Variants in HDAC9 observed in about 807,000 individuals in gnomAD.
HDAC9 encodes the protein MEF-2 interacting transcription repressor (MITR) protein.
In HDAC9, 41 loss-of-function variants were observed where a neutral mutation model predicts 139.4. That is an observed-to-expected ratio of 0.29 (90% CI 0.23 to 0.38). HDAC9 has a LOEUF of 0.38. Ranked by LOEUF, HDAC9 falls within the 10% of genes least tolerant of loss-of-function variation. The pLI is 1.00. For synonymous variants in HDAC9, 517 were observed against 476.2 expected (o/e 1.09, Z -1.12); for missense variants, 1,147 against 1,297.0 (o/e 0.88, Z 1.78).
At chr7:18,413,606 A>G (rs769349782) in intron 1 of HDAC9, among the ~76,000 whole-genome samples, 11 of 152,162 alleles carry the variant, frequency 7.2e-5, no homozygotes, top group Admixed American at 7.2e-4. Context: ...TTGTTTATAA[A>G]TAATATGAAA....
At chr7:18,184,628 A>G (rs114755659) in intron 2 of HDAC9, among the ~76,000 whole-genome samples, 1,794 of 152,292 alleles carry the variant, frequency 0.012, 38 homozygotes, top group African/African-American at 0.041. Flanking sequence ...ATTTTGGAAT[A>G]TTTTGGATTT....
At chr7:18,496,228 A>G (rs750084526) in intron 1 of HDAC9, 34 bp from the exon 2 acceptor site, 1 of 1,608,126 alleles carries the variant, frequency 6.2e-7, no homozygotes, top group South Asian at 1.1e-5. Flanking sequence ...TATGCTGCAG[A>G]CAATTTACGA....
In HDAC9 at chr7:18,207,539, C is replaced by CTTTTTTTTTTTTTTTTTTTTTTT. The variant is rs56690120; in HGVS notation, c.25+45208_25+45209insTTTTTTTTTTTTTTTTTTTTTTT. 3.0e-4 allele frequency among the ~76,000 whole-genome samples: 16 copies of CTTTTTTTTTTTTTTTTTTTTTTT among 53,740 alleles called. 5 individuals carry two copies. Among genetic ancestry groups the CTTTTTTTTTTTTTTTTTTTTTTT allele is most frequent in the African/African-American group, 5.5e-4 (7 of 12,782 alleles). The allele number at this position is 53,740 out of a possible 152,430, so 35.3% of individuals were successfully genotyped here. ...CTCTCACCTCATCTGCCCAAGGAGT[C>CTTTTTTTTTTTTTTTTTTTTTTT]TTTTTTTTTTTTTTTTTTGATTTGA... is the stretch of plus-strand genomic sequence containing the variant. On this transcript the variant is annotated intron_variant, in intron 2 of 12. Coordinates refer to the HDAC9 transcript ENST00000417496.
intron 1 of HDAC9, among the ~76,000 whole-genome samples, chr7:18,465,480 G>A (rs1307404637): frequency 6.6e-6 from 1 of 152,116 alleles, no homozygotes; most frequent in Non-Finnish European, 1.5e-5. Context: ...GGTGGGTGGG[G>A]TTTGTGAATT....
chr7:18,115,167 C>T (rs1783891669), intron 1 of HDAC9, among the ~76,000 whole-genome samples: 1 of 152,102 alleles, frequency 6.6e-6, no homozygotes, highest in East Asian at 1.9e-4. Flanking sequence ...GTGGCGGGCG[C>T]CTGTAGTCCC....
chr7:18,112,367 G>T (rs555954278), intron 1 of HDAC9, among the ~76,000 whole-genome samples: 1 of 152,254 alleles, frequency 6.6e-6, no homozygotes, highest in South Asian at 2.1e-4. Flanking sequence ...GCGGACTACA[G>T]TTAAACTTGT....
intron 22 of HDAC9, among the ~76,000 whole-genome samples, chr7:18,889,079 C>T (rs554049353): frequency 2.0e-5 from 3 of 152,286 alleles, no homozygotes; most frequent in South Asian, 2.1e-4. Context: ...TCTTACCACA[C>T]GTGATGTCTA....
At position 18,251,564 on chromosome 7, in the gene HDAC9, T is replaced by G. The variant is rs567217301; in HGVS notation, c.25+89215T>G. Among the ~76,000 whole-genome samples the G allele has an allele frequency of 9.5e-4, 144 of 152,296 alleles. 1 individual carries two copies. Among genetic ancestry groups the G allele is most frequent in the African/African-American group, 3.4e-3 (141 of 41,568 alleles). ...ACAAAAAAAATTCTAGGGTGGACTT[T>G]GGAGAAGATGGAGGGCAGGGAGATT... On this transcript the variant is annotated intron_variant, in intron 2 of 12. Coordinates refer to the HDAC9 transcript ENST00000417496.
intron 17 of HDAC9, among the ~76,000 whole-genome samples, chr7:18,827,904 T>C (rs1298933799): frequency 6.6e-6 from 1 of 152,160 alleles, no homozygotes; most frequent in Admixed American, 6.5e-5. Flanking sequence ...TCTTGTGTTG[T>C]TCATTGATAG....
chr7:18,825,684 T>A (rs1200686482), intron 17 of HDAC9, among the ~76,000 whole-genome samples: 1 of 150,158 alleles, frequency 6.7e-6, no homozygotes, highest in Non-Finnish European at 1.5e-5. Flanking sequence ...TTGATGGGAT[T>A]AAGGACAAAG....
At chr7:18,701,413 AAAC>A (rs1179837129) in intron 12 of HDAC9, among the ~76,000 whole-genome samples, 12 of 115,320 alleles carry the variant, frequency 1.0e-4, no homozygotes, top group African/African-American at 4.9e-4. Flanking sequence ...AAAACAAAAC[AAAC>A]AAAAAAAAAA....
chr7:18,540,221 C>T (rs979585549), intron 2 of HDAC9, among the ~76,000 whole-genome samples: 3 of 141,874 alleles, frequency 2.1e-5, no homozygotes, highest in East Asian at 2.1e-4. Context: ...TGCAGTGAGC[C>T]GAGATCTCAC....
intron 1 of HDAC9, among the ~76,000 whole-genome samples, chr7:18,301,158 T>G (rs1172440733): frequency 6.6e-6 from 1 of 152,174 alleles, no homozygotes; most frequent in Non-Finnish European, 1.5e-5. Flanking sequence ...TCATTTTGTG[T>G]GAAATTATTT....
intron 22 of HDAC9, among the ~76,000 whole-genome samples, chr7:18,886,395 T>TTACATATTTC (rs1172403434): frequency 2.6e-5 from 4 of 152,236 alleles, no homozygotes; most frequent in Non-Finnish European, 4.4e-5. Context: ...TAAGCAGAGT[T>TTACATATTTC]TGCCCCAGAG....
intron 2 of HDAC9, among the ~76,000 whole-genome samples, chr7:18,561,551 T>C (rs1359497912): frequency 6.6e-6 from 1 of 152,194 alleles, no homozygotes; most frequent in Non-Finnish European, 1.5e-5. Flanking sequence ...GAATACTTTT[T>C]ACCCTTTAAA....
chr7:18,593,697 A>G (rs1831632051), intron 5 of HDAC9, among the ~76,000 whole-genome samples: 1 of 152,122 alleles, frequency 6.6e-6, no homozygotes, highest in East Asian at 1.9e-4. Context: ...TGTATGACCA[A>G]ACACATGCTG....
At chr7:18,778,410 A>C (rs1398308395) in intron 16 of HDAC9, among the ~76,000 whole-genome samples, 2 of 151,988 alleles carry the variant, frequency 1.3e-5, no homozygotes, top group African/African-American at 4.8e-5. Flanking sequence ...CATTTCACAC[A>C]CCTACTGAGT....
intron 22 of HDAC9, among the ~76,000 whole-genome samples, chr7:18,920,567 G>A (rs552555225): frequency 2.6e-5 from 4 of 152,020 alleles, no homozygotes; most frequent in South Asian, 2.1e-4. Flanking sequence ...TCCCTGTCTT[G>A]TGCCAGTTTT....
At chr7:18,757,674 A>G (rs931276515) in intron 14 of HDAC9, among the ~76,000 whole-genome samples, 25 of 152,324 alleles carry the variant, frequency 1.6e-4, no homozygotes, top group African/African-American at 6.0e-4. Flanking sequence ...GGAAAGGAAT[A>G]GAACTGTTTC....
Sources: gnomAD v4.1 joint callset for allele counts (sites outside exome capture counted in the v4.1 genomes callset) on GRCh38, gnomAD v4.1.1 for gene constraint, MANE v1.5 for transcripts, NCBI Gene and HGNC (gene_info 2026-07-23, HGNC 2026-07-21) for gene names.